ALDOB: variants seen among roughly 807,000 people sequenced by gnomAD.
The protein encoded by ALDOB is fructose-bisphosphate aldolase B.
In ALDOB, 39 loss-of-function variants were observed where a neutral mutation model predicts 41.0. The observed-to-expected ratio is 0.95, with a 90% CI of 0.74 to 1.24. The LOEUF (loss-of-function observed/expected upper bound fraction) is 1.24, where lower values mean the gene tolerates loss of function less well. Ranked by LOEUF, ALDOB falls within the 50% of genes most tolerant of loss-of-function variation. The probability of loss-of-function intolerance (pLI) is 0.00; values close to 1 mark genes in which losing one functional copy is unlikely to be tolerated. For synonymous variants in ALDOB, 175 were observed against 168.8 expected, an observed-to-expected ratio of 1.04 and a Z score of -0.28; for missense variants, 530 against 457.3, an observed-to-expected ratio of 1.16 and a Z score of -1.45.
At chr9:101,422,401 A>G (rs533198498) in intron 8 of ALDOB, among the ~76,000 whole-genome samples, 49 of 152,344 alleles carry the variant, frequency 3.2e-4, no homozygotes, top group African/African-American at 1.2e-3. Context: ...ACTCAGTGGT[A>G]CCACTTCTTC....
chr9:101,422,104 T>A (rs1831056567), intron 8 of ALDOB, among the ~76,000 whole-genome samples, 200 bp from the exon 9 acceptor site: 1 of 152,212 alleles, frequency 6.6e-6, no homozygotes, highest in Non-Finnish European at 1.5e-5. Context: ...GAGCATTTCT[T>A]TGGTAAGCTT....
At chr9:101,426,735 G>A (rs1248542177) in intron 5 of ALDOB, 97 bp from the exon 6 acceptor site, 1 of 799,742 alleles carries the variant, frequency 1.3e-6, no homozygotes, top group East Asian at 2.5e-5. Flanking sequence ...ATAAATTGAA[G>A]CCATTATGGA....
intron 4 of ALDOB, 77 bp from the exon 5 acceptor site, chr9:101,427,719 GT>G (rs759856796): frequency 1.9e-6 from 3 of 1,558,094 alleles, no homozygotes; most frequent in Non-Finnish European, 2.6e-6. Flanking sequence ...AAGGGAAGGA[GT>G]TCTCCCTTTG....
chr9:101,424,825 G>C lies in ALDOB; in HGVS notation c.999+18C>G, dbSNP rs774203882. ...AATGTGAACATCATCAAGTAGATAA[G>C]AGGTGGCAGCATCTTACCATGGCCC... On this transcript the variant is annotated intron_variant, in intron 8 of 8. Transcript: ENST00000647789. The C allele has an allele frequency of 1.2e-6, 2 of 1,612,018 alleles. No homozygotes were observed. The highest frequency in any genetic ancestry group is 1.7e-6 in the Non-Finnish European group (2 of 1,179,810).
At chr9:101,431,289 G>A (rs774725995) in intron 1 of ALDOB, among the ~76,000 whole-genome samples, 2 of 152,176 alleles carry the variant, frequency 1.3e-5, no homozygotes, top group Non-Finnish European at 2.9e-5. Context: ...TTGAGGCCAG[G>A]ACAATGTCGC....
At chr9:101,427,779 T>A in intron 4 of ALDOB, 137 bp from the exon 5 acceptor site, 1 of 979,660 alleles carries the variant, frequency 1.0e-6, no homozygotes, top group South Asian at 1.4e-5. Flanking sequence ...GCCAAGCATA[T>A]CAGCATTAAT....
intron 8 of ALDOB, among the ~76,000 whole-genome samples, chr9:101,422,582 C>A (rs906367509): frequency 6.6e-6 from 1 of 152,102 alleles, no homozygotes; most frequent in Admixed American, 6.5e-5. Flanking sequence ...TGGGTGAGAC[C>A]CATAATCTGC....
In ALDOB at chr9:101,427,581, C is replaced by T. The variant is rs770794608; in HGVS notation, c.441G>A (p.Lys147=). The change falls in exon 5 of 9, where the codon AAG becomes AAA. Residue 147 remains lysine (K), a synonymous_variant. Coordinates refer to ENST00000647789, the MANE Select transcript of ALDOB (RefSeq NM_000035.4). ...CGGCAATCCTCAGCACAGCACGCCA[C>T]TTCCCAAAGTCAACACCATCTTTCT... ...QYKKDGVDFG[K]WRAVLRIADQ... The T allele has an allele frequency of 6.2e-7, 1 of 1,614,176 alleles. No homozygotes were observed. Among genetic ancestry groups the T allele is most frequent in the Admixed American group, 1.7e-5 (1 of 60,028 alleles).
At chr9:101,431,939 C>G (rs2854708) in intron 1 of ALDOB, among the ~76,000 whole-genome samples, 2,265 of 152,278 alleles carry the variant, frequency 0.015, 17 homozygotes, top group Middle Eastern at 0.027. Flanking sequence ...CAGGTCTCAT[C>G]TGATCCATTG....
At position 101,421,293 on chromosome 9, in the gene ALDOB, A is replaced by T. The variant is rs1402343211; in HGVS notation, c.*516T>A. 5.4e-6 allele frequency: 1 copy of T among 184,598 alleles called. No individual in the cohort carries two copies. Among genetic ancestry groups the T allele is most frequent in the Non-Finnish European group, 1.2e-5 (1 of 86,414 alleles). 11.4% of individuals were successfully genotyped at this position (184,598 alleles called of 1,614,324 possible). On this transcript the variant is annotated 3_prime_UTR_variant, in exon 9 of 9. Coordinates refer to ENST00000647789, the MANE Select transcript of ALDOB (RefSeq NM_000035.4). ...TTGAAGACCTTTACTGTTGAAACCCAGTCATGTCTAGTAGAGTCAAAAGTA... is the reference window on the plus strand; with the variant it reads ...TTGAAGACCTTTACTGTTGAAACCCTGTCATGTCTAGTAGAGTCAAAAGTA...
rs1159180033 is a variant in ALDOB at position 101,425,033 on chromosome 9, AAGC to A, written c.806_808del (p.Cys269del). ...CTCTTCACTCATGCCACCAGACAAAAAGCAGATGCCTGGTAGGAGAGAAGCCAT... is the reference window on the plus strand; with the variant it reads ...CTCTTCACTCATGCCACCAGACAAAAAGATGCCTGGTAGGAGAGAAGCCAT... On this transcript the variant is annotated inframe_deletion, in exon 8 of 9. Coordinates refer to ENST00000647789, the MANE Select transcript of ALDOB (RefSeq NM_000035.4). 1.2e-6 allele frequency: 2 copies of A among 1,614,180 alleles called. No individual in the cohort carries two copies. Among genetic ancestry groups the A allele is most frequent in the Non-Finnish European group, 8.5e-7 (1 of 1,180,018 alleles).
chr9:101,424,958 G>A lies in ALDOB; in HGVS notation c.884C>T (p.Pro295Leu). The A allele has an allele frequency of 1.2e-6, 2 of 1,614,202 alleles. No individual in the cohort carries two copies. The highest frequency in any genetic ancestry group is 1.7e-6 in the Non-Finnish European group (2 of 1,180,044). The stretch of plus-strand genomic sequence containing the variant: ...TCCATAAGAGAAACTTAGTTTCCAG[G>A]GCTTTGGTAGAGGGCAAAGGTTGAT... ...NAINLCPLPK[P>L]WKLSFSYGRA... The change falls in exon 8 of 9, where the codon CCC becomes CTC. Residue 295 changes from proline (P) to leucine (L), a missense_variant. Transcript: ENST00000647789.
intron 8 of ALDOB, among the ~76,000 whole-genome samples, chr9:101,424,300 T>C (rs1248707517): frequency 6.6e-6 from 1 of 152,114 alleles, no homozygotes; most frequent in East Asian, 1.9e-4. Flanking sequence ...ATGCCTCTAG[T>C]CCCAGCTACT....
chr9:101,429,704 T>G, intron 3 of ALDOB, 51 bp downstream of exon 3: 2 of 1,547,394 alleles, frequency 1.3e-6, no homozygotes, highest in South Asian at 2.2e-5. Context: ...CCAGTGTGCT[T>G]GGAGTTTGCC....
Position 101,435,737 on chromosome 9 carries a change from A to G in ALDOB, c.-39T>C, listed in dbSNP as rs566990272. Reference sequence around the variant, plus strand: ...TTGGGAGAGAAGAGTCCTCCTAGATATCAAAAGCTGTGGGTGAGGCAGCAG... The same window carrying G: ...TTGGGAGAGAAGAGTCCTCCTAGATGTCAAAAGCTGTGGGTGAGGCAGCAG... On this transcript the variant is annotated 5_prime_UTR_variant, in exon 1 of 9. Transcript: ENST00000647789. The G allele has an allele frequency of 3.3e-5, 5 of 152,170 alleles. No individual in the cohort carries two copies. Among genetic ancestry groups the G allele is most frequent in the Non-Finnish European group, 7.3e-5 (5 of 68,034 alleles). The allele number at this position is 152,170 out of a possible 1,614,324, so 9.4% of individuals were successfully genotyped here.
Position 101,426,619 on chromosome 9 carries a change from A to G in ALDOB, c.560T>C (p.Val187Ala), listed in dbSNP as rs188851404. 6.2e-6 allele frequency: 10 copies of G among 1,610,644 alleles called. No homozygotes were observed. In the Admixed American group the frequency reaches 1.2e-4, roughly 19 times the overall value. ...TCCATCAGGAATTACCTCTGGTTCA[A>G]CAATAGGTACCAGTCCATTCTAAAA... ...ICQQNGLVPIVEPEVIPDGDH... is the reference protein window; with the variant it reads ...ICQQNGLVPIAEPEVIPDGDH... The change falls in exon 6 of 9, where the codon GTT (valine) becomes GCT (alanine). Residue 187 changes from valine (V) to alanine (A), a missense_variant. Physicochemically the swap from Val to Ala is moderately conservative, Grantham distance 64. Coordinates refer to ENST00000647789, the MANE Select transcript of ALDOB (RefSeq NM_000035.4).
chr9:101,422,300 TTTAG>T (rs1025687733), intron 8 of ALDOB, among the ~76,000 whole-genome samples: 2 of 152,248 alleles, frequency 1.3e-5, no homozygotes, highest in African/African-American at 4.8e-5. Flanking sequence ...GTAATTTTTA[TTTAG>T]TTATTGTAGT....
rs1311166788 is a variant in ALDOB at position 101,428,511 on chromosome 9, C to T, written c.337G>A (p.Gly113Ser). ...IVVGIKLDQGGAPLAGTNKET... is the reference protein window; with the variant it reads ...IVVGIKLDQGSAPLAGTNKET... ...TTGTTTGTTCCTGCAAGAGGAGCACCTCCTTGGTCTAACTGTGGATACAAA... is the reference window on the plus strand; with the variant it reads ...TTGTTTGTTCCTGCAAGAGGAGCACTTCCTTGGTCTAACTGTGGATACAAA... Residue 113 changes from glycine to serine, a missense_variant, in exon 4 of 9, where the codon GGT (glycine) becomes AGT (serine). Physicochemically the swap from Gly to Ser is moderately conservative, Grantham distance 56. Coordinates refer to ENST00000647789, the MANE Select transcript of ALDOB (RefSeq NM_000035.4). The T allele has an allele frequency of 6.2e-7, 1 of 1,613,794 alleles. No homozygotes were observed. Among genetic ancestry groups the T allele is most frequent in the African/African-American group, 1.3e-5 (1 of 74,926 alleles).
At chr9:101,430,415 C>T (rs76180004) in intron 2 of ALDOB, among the ~76,000 whole-genome samples, 9,906 of 152,258 alleles carry the variant, frequency 0.065, 449 homozygotes, top group East Asian at 0.14. Flanking sequence ...ATTCCAGATG[C>T]AGATACTTTC....
Sources: allele counts gnomAD v4.1 joint callset (sites outside exome capture counted in the v4.1 genomes callset), GRCh38; gene constraint gnomAD v4.1.1; transcripts MANE v1.5; gene names NCBI Gene and HGNC (gene_info 2026-07-23, HGNC 2026-07-21).